MGRN1: variants seen among roughly 807,000 people sequenced by gnomAD.
The protein encoded by MGRN1 is E3 ubiquitin-protein ligase MGRN1.
A neutral mutation model predicts 69.2 loss-of-function variants in MGRN1; 29 were observed. The ratio of observed to expected loss-of-function variants is 0.42; its 90% CI spans 0.31 to 0.57. MGRN1 has a LOEUF of 0.57. Among genes scored for constraint, MGRN1 ranks in the 20% least tolerant of loss-of-function variants. The probability of loss-of-function intolerance (pLI) is 0.15; values close to 1 mark genes in which losing one functional copy is unlikely to be tolerated. For missense variants in MGRN1, 998 were observed against 796.2 expected, an observed-to-expected ratio of 1.25 and a Z score of -3.05; for synonymous variants, 470 against 344.2, an observed-to-expected ratio of 1.37 and a Z score of -4.04.
chr16:4,674,701 C>T lies in MGRN1; in HGVS notation c.955+1044C>T, dbSNP rs575797311. Among the ~76,000 whole-genome samples, 31 of 111,508 alleles carry T rather than the reference C, an allele frequency of 2.8e-4. No homozygotes were observed. In the East Asian group the frequency reaches 5.4e-3, roughly 19 times the overall value. The allele number at this position is 111,508 out of a possible 152,430, so 73.2% of individuals were successfully genotyped here. A position where few individuals can be genotyped will look rare whatever the true frequency, so the allele number is the denominator to read the frequency against. On this transcript the variant is annotated intron_variant, in intron 10 of 16. Transcript: ENST00000262370. Reference sequence around the variant, plus strand: ...CAGGCTGGACTGCGGACTGCAGTGGCGCAATCTCGGCTCACTGCAAGCTCC... The same window carrying T: ...CAGGCTGGACTGCGGACTGCAGTGGTGCAATCTCGGCTCACTGCAAGCTCC...
At chr16:4,667,688 C>T (rs1035582982) in intron 7 of MGRN1, among the ~76,000 whole-genome samples, 1 of 152,186 alleles carries the variant, frequency 6.6e-6, no homozygotes, top group Non-Finnish European at 1.5e-5. Context: ...GCGAGGTCTC[C>T]GATCTCAAGC....
In MGRN1 at chr16:4,659,626, G is replaced by A. The variant is rs1005894014; in HGVS notation, c.561+2263G>A. Among the ~76,000 whole-genome samples the A allele has an allele frequency of 2.6e-5, 4 of 152,288 alleles. No individual in the cohort carries two copies. In the East Asian group the frequency reaches 5.8e-4, roughly 22 times the overall value. On this transcript the variant is annotated intron_variant, in intron 5 of 16. Coordinates refer to ENST00000262370, the MANE Select transcript of MGRN1 (RefSeq NM_015246.4). ...TGCTGAGGAAGCTGAAGGAGGGCCC[G>A]CGTGCAGCATAGTGCTGGCTCGTCT...
In MGRN1 at chr16:4,681,568, C is replaced by T. The variant is rs1567235459; in HGVS notation, c.1150C>T (p.Pro384Ser). ...CCTACAGAACTCTGACAGCGTCCCA[C>T]CTGGCTACGAGCCCATCTCGCTGCT... is the stretch of plus-strand genomic sequence containing the variant. ...KRETNSDSVPPGYEPISLLEA... is the reference protein window; with the variant it reads ...KRETNSDSVPSGYEPISLLEA... The change falls in exon 13 of 17, where the codon CCT (proline) becomes TCT (serine). Residue 384 changes from proline to serine, a missense_variant. Pro to Ser is a moderately conservative substitution (Grantham distance 74). Transcript: ENST00000262370. The T allele has an allele frequency of 2.5e-6, 4 of 1,613,144 alleles. No homozygotes were observed. Among genetic ancestry groups the T allele is most frequent in the Non-Finnish European group, 8.5e-7 (1 of 1,179,766 alleles).
At chr16:4,638,555 G>C (rs1240691770) in intron 1 of MGRN1, among the ~76,000 whole-genome samples, 1 of 152,198 alleles carries the variant, frequency 6.6e-6, no homozygotes, top group African/African-American at 2.4e-5. Context: ...GGTAGGCCCA[G>C]GGGGATCAAT....
intron 4 of MGRN1, among the ~76,000 whole-genome samples, chr16:4,656,878 C>G (rs999744057): frequency 2.9e-5 from 4 of 138,846 alleles, no homozygotes; most frequent in African/African-American, 1.1e-4. Context: ...AGACTCTTAT[C>G]TCAAAAATAA....
intron 12 of MGRN1, 124 bp from the exon 13 acceptor site, chr16:4,681,426 C>T: frequency 2.2e-6 from 2 of 919,834 alleles, no homozygotes; most frequent in East Asian, 2.7e-5. Flanking sequence ...CTCTTGGCCA[C>T]CCTCTGAGGG....
intron 5 of MGRN1, 105 bp downstream of exon 5, chr16:4,657,468 T>C (rs2078572849): frequency 8.8e-7 from 1 of 1,138,662 alleles, no homozygotes; most frequent in East Asian, 2.4e-5. Flanking sequence ...TCCTCCAGGG[T>C]TCATAAGACC....
At chr16:4,688,218 A>G (rs2079377553) in intron 16 of MGRN1, 3 of 985,470 alleles carry the variant, frequency 3.0e-6, no homozygotes, top group South Asian at 9.4e-5. Context: ...CACCAGCACC[A>G]TTGCCCAAGC....
Position 4,683,393 on chromosome 16 carries a change from A to G in MGRN1, c.1528+124A>G, listed in dbSNP as rs376371316. ...CTTCTGCCCCAGGAACCCTCGGCCA[A>G]GAGGCCCCCCTCGGCGGCACTGGGA... On this transcript the variant is annotated intron_variant, in intron 15 of 16. Coordinates refer to ENST00000262370, the MANE Select transcript of MGRN1 (RefSeq NM_015246.4). The G allele has an allele frequency of 6.9e-5, 81 of 1,180,542 alleles. 1 individual carries two copies. In the South Asian group the frequency reaches 1.1e-3, roughly 16 times the overall value. The allele number at this position is 1,180,542 out of a possible 1,614,324, so 73.1% of individuals were successfully genotyped here.
intron 1 of MGRN1, 79 bp from the exon 2 acceptor site, chr16:4,650,286 C>T (rs1178027645): frequency 5.2e-5 from 58 of 1,109,716 alleles, no homozygotes; most frequent in African/African-American, 2.4e-4. Context: ...CTGGGTGGAG[C>T]GCCACTGCAC....
chr16:4,649,576 C>T (rs954305029), intron 1 of MGRN1: 1 of 152,348 alleles, frequency 6.6e-6, no homozygotes, highest in Non-Finnish European at 1.5e-5. Flanking sequence ...CCTCTCCTTT[C>T]TTCTGTTAAG....
intron 16 of MGRN1, among the ~76,000 whole-genome samples, chr16:4,684,952 T>C (rs1371374594): frequency 6.6e-6 from 1 of 152,252 alleles, no homozygotes; most frequent in East Asian, 1.9e-4. Context: ...TGGGTGGTTG[T>C]GACGTGCTTT....
chr16:4,668,649 C>G (rs2078864009), intron 8 of MGRN1, among the ~76,000 whole-genome samples: 1 of 151,814 alleles, frequency 6.6e-6, no homozygotes, highest in South Asian at 2.1e-4. Flanking sequence ...CTCAGACACA[C>G]TCATATACTC....
At chr16:4,666,625 C>G (rs1419861844) in intron 7 of MGRN1, among the ~76,000 whole-genome samples, 4 of 152,206 alleles carry the variant, frequency 2.6e-5, no homozygotes, top group African/African-American at 9.6e-5. Context: ...CGGGCTGTAG[C>G]TTTTTCCTAC....
Position 4,689,377 on chromosome 16 carries a change from C to G in MGRN1, c.*469C>G, listed in dbSNP as rs111248273. 0.016 allele frequency: 2,495 copies of G among 155,626 alleles called. 31 individuals are homozygous for G. Among genetic ancestry groups the G allele is most frequent in the South Asian group, 0.047 (233 of 4,952 alleles). 9.6% of individuals were successfully genotyped at this position (155,626 alleles called of 1,614,324 possible). A position where few individuals can be genotyped will look rare whatever the true frequency, so the allele number is the denominator to read the frequency against. On this transcript the variant is annotated 3_prime_UTR_variant, in exon 17 of 17. Coordinates refer to ENST00000262370, the MANE Select transcript of MGRN1 (RefSeq NM_015246.4). ...GGTCAATGAAGGAAACAGTGCCTGT[C>G]CACCCACCCTGCGTGTCACTGTGGC... is the stretch of plus-strand genomic sequence containing the variant.
In MGRN1 at chr16:4,652,750, C is replaced by T; in HGVS notation, c.369C>T (p.Thr123=). Residue 123 remains threonine (T), a synonymous_variant, in exon 4 of 17, where the codon ACC becomes ACT. Coordinates refer to ENST00000262370, the MANE Select transcript of MGRN1 (RefSeq NM_015246.4). ...GGGTGCTCTACAGCCTGGAGTTCAC[C>T]TTCGACGCCGATGCCCGCGTGGCCA... ...KPRVLYSLEF[T]FDADARVAIT... The T allele has an allele frequency of 1.2e-6, 2 of 1,613,124 alleles. No homozygotes were observed. The highest frequency in any genetic ancestry group is 1.7e-4 in the Middle Eastern group (1 of 6,056).
chr16:4,657,263 C>T lies in MGRN1; in HGVS notation c.461C>T (p.Pro154Leu), dbSNP rs2078566567. Residue 154 changes from proline (P) to leucine (L), a missense_variant, in exon 5 of 17, where the codon CCC (proline) becomes CTC (leucine). Coordinates refer to ENST00000262370, the MANE Select transcript of MGRN1 (RefSeq NM_015246.4). Reference sequence around the variant, plus strand: ...CCCTGCAGATACAGCCCCAAGAGCCCCTCGCTACAGTCCGAGACCGTCCAC... The same window carrying T: ...CCCTGCAGATACAGCCCCAAGAGCCTCTCGCTACAGTCCGAGACCGTCCAC... ...NGRAVYSPKS[P>L]SLQSETVHYK... 6.2e-7 allele frequency: 1 copy of T among 1,613,932 alleles called. No homozygotes were observed. Among genetic ancestry groups the T allele is most frequent in the Non-Finnish European group, 8.5e-7 (1 of 1,179,916 alleles).
intron 5 of MGRN1, among the ~76,000 whole-genome samples, chr16:4,660,159 A>C (rs1018300619): frequency 6.6e-6 from 1 of 152,238 alleles, no homozygotes; most frequent in African/African-American, 2.4e-5. Flanking sequence ...GCCCAGGAGC[A>C]GAGAGGACAT....
chr16:4,668,545 AC>A (rs1391807687), intron 8 of MGRN1, among the ~76,000 whole-genome samples: 1 of 151,642 alleles, frequency 6.6e-6, no homozygotes, highest in Non-Finnish European at 1.5e-5. Flanking sequence ...ACACATACAC[AC>A]ATAAACACAC....
Sources: allele counts gnomAD v4.1 joint callset (sites outside exome capture counted in the v4.1 genomes callset), GRCh38; gene constraint gnomAD v4.1.1; transcripts MANE v1.5; gene names NCBI Gene and HGNC (gene_info 2026-07-23, HGNC 2026-07-21).